The following C6orf163 variants were observed in gnomAD, a reference collection of about 807,000 sequenced individuals.
C6orf163 encodes chromosome 6 open reading frame 163.
A neutral mutation model predicts 28.4 loss-of-function variants in C6orf163; 22 were observed. The observed-to-expected ratio is 0.78, with a 90% confidence interval of 0.55 to 1.11. The LOEUF is 1.11. C6orf163 is among the 50% of genes least tolerant of loss of function. The probability of loss-of-function intolerance (pLI) is 0.00; values close to 1 mark genes in which losing one functional copy is unlikely to be tolerated. For missense variants in C6orf163, 342 were observed against 389.1 expected (o/e 0.88, Z 1.02); for synonymous variants, 110 against 123.6 (o/e 0.89, Z 0.73).
intron 1 of C6orf163, chr6:87,347,463 A>T (rs1464613651): frequency 1.0e-6 from 1 of 985,306 alleles, no homozygotes; most frequent in East Asian, 1.1e-4. Context: ...TTGATGGTCC[A>T]TGCTTAGTCA....
At chr6:87,363,540 C>T (rs1777608371) in intron 4 of C6orf163, among the ~76,000 whole-genome samples, 1 of 151,614 alleles carries the variant, frequency 6.6e-6, no homozygotes, top group Non-Finnish European at 1.5e-5. Flanking sequence ...TGTTCCCCTT[C>T]CTGTGTCCAT....
At chr6:87,346,818 A>AT (rs79045486) in intron 1 of C6orf163, among the ~76,000 whole-genome samples, 63,876 of 152,014 alleles carry the variant, frequency 0.42, 13,950 homozygotes, top group Non-Finnish European at 0.48. Context: ...TCACGTTTAA[A>AT]TAACCTTTTT....
At chr6:87,347,209 A>T (rs1777338181) in intron 1 of C6orf163, 1 of 161,916 alleles carries the variant, frequency 6.2e-6, no homozygotes, top group African/African-American at 2.4e-5. Flanking sequence ...CTATCTAAAG[A>T]ATCATAGATT....
intron 4 of C6orf163, chr6:87,358,133 A>G (rs895980796): frequency 6.6e-6 from 1 of 152,212 alleles, no homozygotes; most frequent in African/African-American, 2.4e-5. Context: ...GAGAGAGACC[A>G]CTGTTGAGAA....
intron 1 of C6orf163, among the ~76,000 whole-genome samples, chr6:87,346,184 C>T (rs1469647321): frequency 2.0e-5 from 3 of 152,028 alleles, no homozygotes; most frequent in African/African-American, 7.2e-5. Flanking sequence ...TTCTCTGATC[C>T]TCTCTTCCTT....
intron 3 of C6orf163, among the ~76,000 whole-genome samples, chr6:87,353,576 C>G (rs1046553719): frequency 2.0e-5 from 3 of 152,006 alleles, no homozygotes; most frequent in African/African-American, 7.2e-5. Context: ...AAATACATTT[C>G]ATTCTGAAAA....
chr6:87,360,234 A>C (rs1397308402), intron 4 of C6orf163, among the ~76,000 whole-genome samples: 1 of 151,998 alleles, frequency 6.6e-6, no homozygotes, highest in Non-Finnish European at 1.5e-5. Flanking sequence ...TAGTTCTTTC[A>C]CAGTTCTTTC....
chr6:87,354,619 T>C (rs1018589519), intron 3 of C6orf163, among the ~76,000 whole-genome samples: 2 of 152,260 alleles, frequency 1.3e-5, no homozygotes, highest in African/African-American at 4.8e-5. Flanking sequence ...CTAGCATTTC[T>C]AAATGGCCAA....
At chr6:87,361,145 C>G (rs566574946) in intron 4 of C6orf163, among the ~76,000 whole-genome samples, 3 of 152,144 alleles carry the variant, frequency 2.0e-5, no homozygotes, top group Admixed American at 2.0e-4. Context: ...ATTAGCTGGG[C>G]ATGGTCGCAC....
At chr6:87,347,336 C>A in intron 1 of C6orf163, 1 of 936,698 alleles carries the variant, frequency 1.1e-6, no homozygotes, top group Non-Finnish European at 1.3e-6. Flanking sequence ...AAAAGCTTTG[C>A]AGGGATCCTG....
rs527981314 is a variant in C6orf163, at chr6:87,347,954, G to A, written c.149-858G>A. ...GCAGATCACTTGAGGTCAAGAGTTC[G>A]AGACCAGCCTGACCAACATGGTGAA... is the stretch of plus-strand genomic sequence containing the variant. On this transcript the variant is annotated intron_variant, in intron 1 of 4. Coordinates refer to ENST00000388923, the MANE Select transcript of C6orf163 (RefSeq NM_001010868.3). 18 of 785,850 alleles carry A rather than the reference G, an allele frequency of 2.3e-5. No homozygotes were observed. The East Asian group carries it at 3.8e-4, about 17-fold the overall frequency. The allele number at this position is 785,850 out of a possible 1,614,324, so 48.7% of individuals were successfully genotyped here. A position where few individuals can be genotyped will look rare whatever the true frequency, so the allele number is the denominator to read the frequency against.
intron 3 of C6orf163, among the ~76,000 whole-genome samples, chr6:87,353,701 A>G (rs556316821): frequency 6.6e-6 from 1 of 152,336 alleles, no homozygotes; most frequent in East Asian, 1.9e-4. Flanking sequence ...GAAGTAAGTT[A>G]AAATATCCCC....
intron 3 of C6orf163, among the ~76,000 whole-genome samples, chr6:87,354,742 A>G (rs945438166): frequency 3.9e-5 from 6 of 152,236 alleles, no homozygotes; most frequent in African/African-American, 1.4e-4. Context: ...TGAAGTAGCC[A>G]AAGTGAGAAG....
chr6:87,347,649 A>G lies in C6orf163; in HGVS notation c.149-1163A>G, dbSNP rs538488810. 17 of 985,208 alleles carry G rather than the reference A, an allele frequency of 1.7e-5. No individual in the cohort carries two copies. The South Asian group carries it at 4.2e-4, about 25-fold the overall frequency. The allele number at this position is 985,208 out of a possible 1,614,324, so 61.0% of individuals were successfully genotyped here. On this transcript the variant is annotated intron_variant, in intron 1 of 4. Coordinates refer to ENST00000388923, the MANE Select transcript of C6orf163 (RefSeq NM_001010868.3). ...TTTAATTGCTAGTGACAGAAACATA[A>G]CTCAGAATAGACTGCATGAAATGGA...
intron 4 of C6orf163, among the ~76,000 whole-genome samples, chr6:87,363,903 G>A (rs1777612283): frequency 6.6e-6 from 1 of 152,078 alleles, no homozygotes; most frequent in Admixed American, 6.6e-5. Context: ...TTCTCCAGGG[G>A]TTTTGTGATG....
rs999102097 is a variant in C6orf163, at chr6:87,350,320, A to G, written c.244-74A>G. 1.0e-5 allele frequency: 9 copies of G among 897,420 alleles called. No homozygotes were observed. The East Asian group carries it at 1.3e-4, about 13-fold the overall frequency. 55.6% of individuals were successfully genotyped at this position (897,420 alleles called of 1,614,324 possible). On this transcript the variant is annotated intron_variant, in intron 2 of 4. Transcript: ENST00000388923. ...GTAAACTTGAAAACCTGATTTACCA[A>G]CATCCTAAATAAGCCAAGTTTGCTT...
intron 2 of C6orf163, 92 bp from the exon 3 acceptor site, chr6:87,350,302 T>G: frequency 1.3e-6 from 1 of 789,300 alleles, no homozygotes; most frequent in Non-Finnish European, 2.0e-6. Context: ...TCAGTAAACT[T>G]GAAAACCTGA....
intron 4 of C6orf163, among the ~76,000 whole-genome samples, chr6:87,361,650 TA>T (rs1777582216): frequency 6.6e-6 from 1 of 152,154 alleles, no homozygotes; most frequent in African/African-American, 2.4e-5. Context: ...GACATCAGAC[TA>T]AATCCTTAGA....
At chr6:87,351,475 C>T (rs1777411963) in intron 3 of C6orf163, among the ~76,000 whole-genome samples, 1 of 152,200 alleles carries the variant, frequency 6.6e-6, no homozygotes, top group Non-Finnish European at 1.5e-5. Context: ...AAGGGGAGCT[C>T]CTCCCCATGA....
Sources: allele counts gnomAD v4.1 joint callset (sites outside exome capture counted in the v4.1 genomes callset), GRCh38; gene constraint gnomAD v4.1.1; transcripts MANE v1.5; gene names NCBI Gene and HGNC (gene_info 2026-07-23, HGNC 2026-07-21).